AFAP1: variants seen among roughly 807,000 people sequenced by gnomAD.
AFAP1 encodes actin filament associated protein 1.
Under a neutral mutation model 93.9 loss-of-function variants are expected in AFAP1, and 75 were observed. The observed-to-expected ratio is 0.80, with a 90% CI of 0.66 to 0.97. The LOEUF is 0.97. Among genes scored for constraint, AFAP1 ranks in the 50% least tolerant of loss-of-function variants. AFAP1 has a pLI of 0.00. For missense variants in AFAP1, 1,201 were observed against 1,050.8 expected (o/e 1.14, Z -1.98); for synonymous variants, 517 against 430.7 (o/e 1.20, Z -2.48).
At chr4:7,882,782 C>A (rs1036228107) in intron 1 of AFAP1, among the ~76,000 whole-genome samples, 1 of 152,080 alleles carries the variant, frequency 6.6e-6, no homozygotes, top group Admixed American at 6.6e-5. Context: ...TCGCTTGAAC[C>A]TGGGAGGCGG....
At chr4:7,809,515 A>T (rs557312188) in intron 9 of AFAP1, 99 bp downstream of exon 9, 1 of 1,398,924 alleles carries the variant, frequency 7.1e-7, no homozygotes, top group Non-Finnish European at 9.7e-7. Context: ...AAGAGCTCAA[A>T]TTAACGAGCC....
chr4:7,934,594 G>T (rs769565641), intron 1 of AFAP1, among the ~76,000 whole-genome samples: 2 of 152,178 alleles, frequency 1.3e-5, no homozygotes, highest in Admixed American at 1.3e-4. Context: ...AGTTGGTGAC[G>T]AGAAAGAAAA....
chr4:7,800,347 G>A (rs1405914210), intron 10 of AFAP1, 95 bp downstream of exon 10: 1 of 1,319,170 alleles, frequency 7.6e-7, no homozygotes. Context: ...AGCGAGATGG[G>A]AGGAATTTTG....
intron 14 of AFAP1, chr4:7,775,838 G>A (rs1373763485): frequency 6.6e-6 from 1 of 152,098 alleles, no homozygotes; most frequent in Non-Finnish European, 1.5e-5. Flanking sequence ...AAAGCACTTA[G>A]AACAAACACA....
intron 4 of AFAP1, among the ~76,000 whole-genome samples, chr4:7,852,377 T>C (rs552562037): frequency 2.0e-5 from 3 of 152,298 alleles, no homozygotes; most frequent in African/African-American, 7.2e-5. Flanking sequence ...CTGGCCACAC[T>C]GGGCTCCTCG....
chr4:7,859,794 C>G (rs1715466799), intron 3 of AFAP1, among the ~76,000 whole-genome samples: 1 of 152,068 alleles, frequency 6.6e-6, no homozygotes, highest in African/African-American at 2.4e-5. Context: ...TAATTCTCGT[C>G]TTTTGGAAAG....
chr4:7,835,798 C>G (rs1421286897), intron 6 of AFAP1, among the ~76,000 whole-genome samples: 1 of 136,028 alleles, frequency 7.4e-6, no homozygotes, highest in Non-Finnish European at 1.6e-5. Flanking sequence ...CTGCGGGCGG[C>G]CTCAAGGTTA....
rs75367769 is a variant in AFAP1, at chr4:7,821,463, C to T, written c.727-2292G>A. 2.5e-4 allele frequency among the ~76,000 whole-genome samples: 38 copies of T among 152,294 alleles called. No homozygotes were observed. The East Asian group carries it at 5.6e-3, about 22-fold the overall frequency. ...GTGCACGAGGGCTTTCCCAGCCGCC[C>T]CCTACATGCAGTCACCACATGTTTC... On this transcript the variant is annotated intron_variant, in intron 6 of 17. Coordinates refer to ENST00000420658, the MANE Select transcript of AFAP1 (RefSeq NM_001134647.2).
Position 7,939,270 on chromosome 4 carries a change from A to C in AFAP1, c.-3+386T>G, listed in dbSNP as rs545381417. The C allele has an allele frequency of 3.2e-6, 1 of 308,954 alleles. No individual in the cohort carries two copies. Among genetic ancestry groups the C allele is most frequent in the African/African-American group, 2.3e-5 (1 of 43,454 alleles). 19.1% of individuals were successfully genotyped at this position (308,954 alleles called of 1,614,324 possible). ...GGACGAAGCAGTCTCGCTACGGGGGAGGGCGGCGGAGCCTCCCACTCTTGG... is the reference window on the plus strand; with the variant it reads ...GGACGAAGCAGTCTCGCTACGGGGGCGGGCGGCGGAGCCTCCCACTCTTGG... On this transcript the variant is annotated intron_variant, in intron 1 of 17. Coordinates refer to ENST00000420658, the MANE Select transcript of AFAP1 (RefSeq NM_001134647.2). This position sits in a 1 kb window ranked among gnomAD's most constrained non-coding sequence, Gnocchi z 5.6.
chr4:7,872,072 C>G lies in AFAP1; in HGVS notation c.7G>C (p.Glu3Gln), dbSNP rs748581668. 6.2e-7 allele frequency: 1 copy of G among 1,613,846 alleles called. No homozygotes were observed. The highest frequency in any genetic ancestry group is 1.1e-5 in the South Asian group (1 of 90,994). Reference sequence around the variant, plus strand: ...AAGAGACGAAGTTCAACTATTAACTCTTCCATTGCTGACAACAAAAGAGGA... The same window carrying G: ...AAGAGACGAAGTTCAACTATTAACTGTTCCATTGCTGACAACAAAAGAGGA... Reference protein sequence around the residue: MEELIVELRLFLE... With the variant: MEQLIVELRLFLE... The change falls in exon 2 of 18, where the codon GAG becomes CAG. Residue 3 changes from glutamate (E) to glutamine (Q), a missense_variant. Coordinates refer to ENST00000420658, the MANE Select transcript of AFAP1 (RefSeq NM_001134647.2).
chr4:7,797,852 A>T (rs924830117), intron 10 of AFAP1, among the ~76,000 whole-genome samples: 1 of 152,042 alleles, frequency 6.6e-6, no homozygotes, highest in Non-Finnish European at 1.5e-5. Flanking sequence ...TTCTGAAAAA[A>T]ATCCTACACA....
At chr4:7,881,480 T>C (rs554114216) in intron 1 of AFAP1, among the ~76,000 whole-genome samples, 1 of 152,110 alleles carries the variant, frequency 6.6e-6, no homozygotes, top group South Asian at 2.1e-4. Context: ...CCTCCACTGC[T>C]CCTTAGAAAC....
chr4:7,847,244 A>C (rs149573753), intron 4 of AFAP1, among the ~76,000 whole-genome samples: 95 of 152,252 alleles, frequency 6.2e-4, no homozygotes, highest in African/African-American at 1.9e-3. Flanking sequence ...CGATGACCCA[A>C]TCAAGAGAAC....
chr4:7,798,804 C>T (rs1351092724), intron 10 of AFAP1: 7 of 868,978 alleles, frequency 8.1e-6, no homozygotes, highest in Non-Finnish European at 9.7e-6. Context: ...GACTTCTTCA[C>T]CAAACAGCTC....
At chr4:7,870,746 C>G (rs913249034) in intron 2 of AFAP1, among the ~76,000 whole-genome samples, 2 of 152,142 alleles carry the variant, frequency 1.3e-5, no homozygotes, top group African/African-American at 4.8e-5. Flanking sequence ...CATCGCCCAC[C>G]CAGGTTTCCC....
At chr4:7,865,799 C>A (rs1323000579) in intron 3 of AFAP1, among the ~76,000 whole-genome samples, 1 of 152,244 alleles carries the variant, frequency 6.6e-6, no homozygotes, top group Non-Finnish European at 1.5e-5. Context: ...TGGGAGGGCA[C>A]TGCAGCAGCA....
intron 12 of AFAP1, among the ~76,000 whole-genome samples, chr4:7,784,843 T>C (rs1023183585): frequency 2.6e-5 from 4 of 152,186 alleles, no homozygotes; most frequent in East Asian, 3.9e-4. Context: ...TCTTGGTTCC[T>C]GCTGTGGGGC....
At chr4:7,798,071 GATTGCAACTCTATTGGCTGGCTCACGGC>G (rs569702070) in intron 10 of AFAP1, among the ~76,000 whole-genome samples, 22,484 of 150,642 alleles carry the variant, frequency 0.15, 2,697 homozygotes, top group African/African-American at 0.23. Context: ...AAAAAGTATA[GATTGCAACTCTATTGGCTGGCTCACGGC>G]ATTGCAACTC....
rs191278487 is a variant in AFAP1 at position 7,869,158 on chromosome 4, A to C, written c.128-439T>G. 4.7e-4 allele frequency among the ~76,000 whole-genome samples: 71 copies of C among 151,994 alleles called. 1 individual carries two copies. The highest frequency in any genetic ancestry group is 1.7e-3 in the African/African-American group (69 of 41,482). Reference sequence around the variant, plus strand: ...AAGAATAAAAGAGAAAGGGAAAGGGAAAGGGAAAAGAAAAGAAAAGAGAAA... The same window carrying C: ...AAGAATAAAAGAGAAAGGGAAAGGGCAAGGGAAAAGAAAAGAAAAGAGAAA... On this transcript the variant is annotated intron_variant, in intron 2 of 17. Coordinates refer to ENST00000420658, the MANE Select transcript of AFAP1 (RefSeq NM_001134647.2).
Sources: allele counts gnomAD v4.1 joint callset (sites outside exome capture counted in the v4.1 genomes callset), GRCh38; gene constraint gnomAD v4.1.1; non-coding constraint Gnocchi (gnomAD v3.1); transcripts MANE v1.5; gene names NCBI Gene and HGNC (gene_info 2026-07-23, HGNC 2026-07-21).